Variants in MRPL13 observed in about 807,000 individuals in gnomAD.
MRPL13 encodes the protein mitochondrial ribosomal protein L13, also known as large ribosomal subunit protein uL13m.
MRPL13 carries 33 observed loss-of-function variants against 29.0 expected under a neutral mutation model. The ratio of observed to expected loss-of-function variants is 1.14; its 90% CI spans 0.86 to 1.52. MRPL13 has a LOEUF of 1.52. Ranked by LOEUF, MRPL13 falls within the 40% of genes most tolerant of loss-of-function variation. The pLI is 0.00. For synonymous variants in MRPL13, 77 were observed against 68.4 expected, an observed-to-expected ratio of 1.13 and a Z score of -0.62; for missense variants, 227 against 216.7, an observed-to-expected ratio of 1.05 and a Z score of -0.30.
intron 5 of MRPL13, 184 bp from the exon 6 acceptor site, chr8:120,414,296 G>A: frequency 2.4e-6 from 1 of 418,322 alleles, no homozygotes; most frequent in Non-Finnish European, 3.9e-6. Context: ...AATAATACAA[G>A]TAATCCCATT....
intron 6 of MRPL13, among the ~76,000 whole-genome samples, chr8:120,410,733 G>A (rs1003261355): frequency 2.6e-5 from 4 of 151,736 alleles, no homozygotes; most frequent in Non-Finnish European, 4.4e-5. Flanking sequence ...TTTGAAGCTC[G>A]AATAGAGAGT....
At chr8:120,432,381 C>A (rs1441919121) in intron 2 of MRPL13, among the ~76,000 whole-genome samples, 3 of 151,964 alleles carry the variant, frequency 2.0e-5, no homozygotes, top group Non-Finnish European at 2.9e-5. Context: ...TTGCCAATAA[C>A]AACAATACAT....
chr8:120,424,004 T>C (rs1812903342), intron 4 of MRPL13, among the ~76,000 whole-genome samples: 1 of 151,746 alleles, frequency 6.6e-6, no homozygotes, highest in Non-Finnish European at 1.5e-5. Flanking sequence ...AATAAATCAA[T>C]TCAACCAATC....
At chr8:120,435,696 T>C (rs1201091055) in intron 2 of MRPL13, among the ~76,000 whole-genome samples, 59 of 152,034 alleles carry the variant, frequency 3.9e-4, no homozygotes, top group Admixed American at 3.9e-3. Flanking sequence ...CTTTCAGAAA[T>C]CACCAAATTG....
intron 1 of MRPL13, among the ~76,000 whole-genome samples, 184 bp from the exon 2 acceptor site, chr8:120,443,492 G>C (rs1311658149): frequency 6.6e-6 from 1 of 151,864 alleles, no homozygotes; most frequent in Non-Finnish European, 1.5e-5. Context: ...TCTGGAAAAG[G>C]GTTGTTTTTT....
chr8:120,439,805 G>A (rs999243018), intron 2 of MRPL13, among the ~76,000 whole-genome samples: 5 of 152,160 alleles, frequency 3.3e-5, no homozygotes, highest in African/African-American at 1.2e-4. Flanking sequence ...GGTTAGAGCA[G>A]CAAGTATAAG....
intron 4 of MRPL13, among the ~76,000 whole-genome samples, chr8:120,424,601 C>T (rs1378606278): frequency 1.3e-5 from 2 of 151,740 alleles, no homozygotes; most frequent in East Asian, 1.9e-4. Flanking sequence ...CTGGTCTCCA[C>T]AAAAAATAAA....
chr8:120,432,033 G>T lies in MRPL13; in HGVS notation c.242C>A (p.Thr81Asn). 6.3e-7 allele frequency: 1 copy of T among 1,595,858 alleles called. No homozygotes were observed. The highest frequency in any genetic ancestry group is 8.5e-7 in the Non-Finnish European group (1 of 1,169,804). Residue 81 changes from threonine to asparagine, a missense_variant, in exon 3 of 7, where the codon ACT becomes AAT. Thr to Asn is a moderately conservative substitution (Grantham distance 65). Coordinates refer to ENST00000306185, the MANE Select transcript of MRPL13 (RefSeq NM_014078.6). ...KWEQKVYSSH[T>N]GYPGGFRQVT... ...CCTGACAACAGCATTATCTTACCCA[G>T]TATGCGAAGAGTATACTTTTTGTTC...
At chr8:120,397,128 C>T (rs1812533895) in intron 6 of MRPL13, among the ~76,000 whole-genome samples, 1 of 152,192 alleles carries the variant, frequency 6.6e-6, no homozygotes. Context: ...ACCTGGGAAA[C>T]CACGTTTCTC....
chr8:120,422,918 C>T (rs1437340784), intron 4 of MRPL13, among the ~76,000 whole-genome samples: 6 of 151,804 alleles, frequency 4.0e-5, no homozygotes, highest in Non-Finnish European at 8.8e-5. Flanking sequence ...TTTCAAGGTA[C>T]ATGAGCCTAC....
intron 5 of MRPL13, chr8:120,415,186 C>T (rs541240996): frequency 2.0e-5 from 3 of 152,186 alleles, no homozygotes; most frequent in Non-Finnish European, 4.4e-5. Context: ...TGTATTGAGA[C>T]TGGATGATAA....
chr8:120,416,020 A>G (rs1812798250), intron 5 of MRPL13: 1 of 152,208 alleles, frequency 6.6e-6, no homozygotes, highest in Non-Finnish European at 1.5e-5. Flanking sequence ...GAATACAATG[A>G]GCCAAATTTC....
At chr8:120,428,126 T>TAAA (rs144856034) in intron 3 of MRPL13, among the ~76,000 whole-genome samples, 5 of 110,352 alleles carry the variant, frequency 4.5e-5, no homozygotes, top group Admixed American at 8.7e-5. Flanking sequence ...ATGGTACTGA[T>TAAA]AAAAAAAAAA....
Position 120,395,886 on chromosome 8 carries a change from T to C in MRPL13, c.*218A>G, listed in dbSNP as rs1812516928. ...GATTTTATTATTATCAACTATAACA[T>C]TCAAATCAGATTACATAAAAATGGT... On this transcript the variant is annotated 3_prime_UTR_variant, in exon 7 of 7. Coordinates refer to ENST00000306185, the MANE Select transcript of MRPL13 (RefSeq NM_014078.6). 9.2e-6 allele frequency: 4 copies of C among 434,664 alleles called. No homozygotes were observed. The highest frequency in any genetic ancestry group is 8.2e-6 in the Non-Finnish European group (2 of 245,070). 26.9% of individuals were successfully genotyped at this position (434,664 alleles called of 1,614,324 possible).
At chr8:120,413,082 T>C (rs1305191117) in intron 6 of MRPL13, among the ~76,000 whole-genome samples, 2 of 152,166 alleles carry the variant, frequency 1.3e-5, no homozygotes, top group Non-Finnish European at 2.9e-5. Context: ...GACACACATA[T>C]AAATGAGAGT....
At chr8:120,440,832 G>A (rs1191797346) in intron 2 of MRPL13, among the ~76,000 whole-genome samples, 2 of 152,038 alleles carry the variant, frequency 1.3e-5, no homozygotes, top group African/African-American at 4.8e-5. Context: ...AACTGTAGTT[G>A]ATCTACGGAG....
intron 3 of MRPL13, among the ~76,000 whole-genome samples, chr8:120,427,883 AT>A (rs1345677903): frequency 6.6e-6 from 1 of 152,170 alleles, no homozygotes. Context: ...GATAGGAAGA[AT>A]CAGTATTGTT....
At chr8:120,437,434 C>T (rs1813067619) in intron 2 of MRPL13, among the ~76,000 whole-genome samples, 1 of 152,128 alleles carries the variant, frequency 6.6e-6, no homozygotes, top group Non-Finnish European at 1.5e-5. Flanking sequence ...GAAAGGTTTT[C>T]CTCTGCTTCC....
chr8:120,396,679 C>A (rs1474896049), intron 6 of MRPL13, among the ~76,000 whole-genome samples: 1 of 152,070 alleles, frequency 6.6e-6, no homozygotes, highest in Non-Finnish European at 1.5e-5. Context: ...CACCTGAGAG[C>A]TGCTTTCATT....
Sources: gnomAD v4.1 joint callset for allele counts (sites outside exome capture counted in the v4.1 genomes callset) on GRCh38, gnomAD v4.1.1 for gene constraint, MANE v1.5 for transcripts, NCBI Gene and HGNC (gene_info 2026-07-23, HGNC 2026-07-21) for gene names.